SLC35F2: variants seen among roughly 807,000 people sequenced by gnomAD.
SLC35F2 encodes queuine/queuosine transporter SLC35F2.
A neutral mutation model predicts 38.1 loss-of-function variants in SLC35F2; 25 were observed. The ratio of observed to expected loss-of-function variants is 0.66; its 90% CI spans 0.48 to 0.92. SLC35F2 has a LOEUF of 0.92. Ranked by LOEUF, SLC35F2 falls within the 40% of genes least tolerant of loss-of-function variation. The pLI, the probability that SLC35F2 is intolerant of heterozygous loss-of-function variation, is 0.00. For missense variants in SLC35F2, 409 were observed against 452.9 expected, an observed-to-expected ratio of 0.90 and a Z score of 0.88; for synonymous variants, 173 against 181.7, an observed-to-expected ratio of 0.95 and a Z score of 0.38.
At chr11:107,811,579 T>A in intron 3 of SLC35F2, 88 bp downstream of exon 3, 1 of 1,283,316 alleles carries the variant, frequency 7.8e-7, no homozygotes. Flanking sequence ...AGTGAATAGA[T>A]TTTCAATAAA....
chr11:107,832,794 G>GA (rs1859866470), intron 1 of SLC35F2, among the ~76,000 whole-genome samples: 2 of 152,312 alleles, frequency 1.3e-5, no homozygotes, highest in African/African-American at 4.8e-5. Context: ...GTGACAGAGT[G>GA]AGACCCTGTC....
At chr11:107,795,160 A>G (rs1363486338) in intron 7 of SLC35F2, among the ~76,000 whole-genome samples, 2 of 152,208 alleles carry the variant, frequency 1.3e-5, no homozygotes, top group Non-Finnish European at 2.9e-5. Context: ...CAAAATATCA[A>G]TGTTATTTTT....
chr11:107,797,420 G>A (rs566390000), intron 7 of SLC35F2, among the ~76,000 whole-genome samples: 3 of 152,170 alleles, frequency 2.0e-5, no homozygotes, highest in African/African-American at 7.2e-5. Flanking sequence ...TGGCACAGTG[G>A]TAGGCACCTG....
chr11:107,811,957 AG>A (rs1859488799), intron 2 of SLC35F2, among the ~76,000 whole-genome samples, 163 bp from the exon 3 acceptor site: 1 of 151,618 alleles, frequency 6.6e-6, no homozygotes, highest in Non-Finnish European at 1.5e-5. Context: ...GTTGGAGTGC[AG>A]TGGCACAATC....
intron 3 of SLC35F2, chr11:107,809,734 G>A: frequency 2.0e-6 from 2 of 980,514 alleles, no homozygotes; most frequent in Non-Finnish European, 2.4e-6. Flanking sequence ...AGTAAGCAGA[G>A]TACTAAGACA....
At position 107,791,137 on chromosome 11, in the gene SLC35F2, T is replaced by C. The variant is rs570260095; in HGVS notation, c.*1478A>G. ...ATACTGATGACACATATTAACACTT[T>C]GTATTGAAGAAGTATCATAAAAATC... is the stretch of plus-strand genomic sequence containing the variant. On this transcript the variant is annotated 3_prime_UTR_variant, in exon 8 of 8. Coordinates refer to ENST00000525815, the MANE Select transcript of SLC35F2 (RefSeq NM_017515.5). 1 of 152,728 alleles carries C rather than the reference T, an allele frequency of 6.5e-6. No homozygotes were observed. Among genetic ancestry groups the C allele is most frequent in the African/African-American group, 2.4e-5 (1 of 41,540 alleles). The allele number at this position is 152,728 out of a possible 1,614,324, so 9.5% of individuals were successfully genotyped here.
chr11:107,829,327 G>A (rs1388347366), intron 1 of SLC35F2, among the ~76,000 whole-genome samples: 1 of 151,756 alleles, frequency 6.6e-6, no homozygotes, highest in African/African-American at 2.4e-5. Context: ...GCTGAAGCAG[G>A]AGAATCATTT....
In SLC35F2 at chr11:107,852,745, G is replaced by A. The variant is rs144995475; in HGVS notation, c.110+5913C>T. ...AAATTAGCCAGGCATGGTGGCATGC[G>A]CCTGTAATCCCAGCTACTACTAGGG... On this transcript the variant is annotated intron_variant, in intron 1 of 7. Transcript: ENST00000525815. 5.3e-3 allele frequency among the ~76,000 whole-genome samples: 798 copies of A among 151,690 alleles called. 7 individuals carry two copies. The highest frequency in any genetic ancestry group is 0.018 in the African/African-American group (751 of 41,344).
intron 3 of SLC35F2, chr11:107,809,902 G>A (rs1361957568): frequency 1.0e-6 from 1 of 985,286 alleles, no homozygotes; most frequent in Admixed American, 6.2e-5. Flanking sequence ...AGGGGAGAAG[G>A]AGCAGGCCAT....
At chr11:107,813,266 G>A (rs887139488) in intron 2 of SLC35F2, among the ~76,000 whole-genome samples, 5 of 152,080 alleles carry the variant, frequency 3.3e-5, no homozygotes, top group African/African-American at 1.2e-4. Flanking sequence ...TCAACATGGA[G>A]AAACCCCATC....
At chr11:107,815,314 C>T (rs758303233) in intron 2 of SLC35F2, among the ~76,000 whole-genome samples, 60 of 150,936 alleles carry the variant, frequency 4.0e-4, no homozygotes, top group Admixed American at 8.7e-4. Flanking sequence ...CTTTGGGAGG[C>T]TGAGGTGGGC....
intron 1 of SLC35F2, chr11:107,823,911 A>G (rs1211209571): frequency 2.4e-5 from 20 of 817,704 alleles, no homozygotes; most frequent in African/African-American, 5.9e-5. Context: ...CCTGGGCGAC[A>G]TAACAAGACA....
chr11:107,851,100 T>C (rs1157898738), intron 1 of SLC35F2, among the ~76,000 whole-genome samples: 2 of 151,814 alleles, frequency 1.3e-5, no homozygotes, highest in Non-Finnish European at 2.9e-5. Flanking sequence ...CCATCTCTAC[T>C]ATAAATACAA....
chr11:107,809,460 CAAAAA>C (rs775009107), intron 3 of SLC35F2, among the ~76,000 whole-genome samples: 3 of 106,224 alleles, frequency 2.8e-5, no homozygotes, highest in Non-Finnish European at 1.9e-5. Context: ...GACTCCACCT[CAAAAA>C]AAAAAAAAAA....
intron 1 of SLC35F2, among the ~76,000 whole-genome samples, chr11:107,846,287 C>T (rs1020418593): frequency 2.0e-5 from 3 of 151,650 alleles, no homozygotes; most frequent in Non-Finnish European, 4.4e-5. Context: ...TCCATATCAA[C>T]GCCCATGAAC....
At chr11:107,834,253 A>G (rs143250304) in intron 1 of SLC35F2, among the ~76,000 whole-genome samples, 28 of 152,330 alleles carry the variant, frequency 1.8e-4, no homozygotes, top group East Asian at 1.2e-3. Context: ...CTAGGTGATT[A>G]AAGAGACAAA....
At chr11:107,850,490 G>A (rs1405167142) in intron 1 of SLC35F2, among the ~76,000 whole-genome samples, 2 of 152,008 alleles carry the variant, frequency 1.3e-5, no homozygotes, top group African/African-American at 4.8e-5. Flanking sequence ...TATTGGGTGG[G>A]GCCAGGTATC....
At chr11:107,838,287 G>T (rs1859960678) in intron 1 of SLC35F2, among the ~76,000 whole-genome samples, 1 of 152,120 alleles carries the variant, frequency 6.6e-6, no homozygotes. Flanking sequence ...ATAAATGTGT[G>T]TGGGTGCCAT....
intron 1 of SLC35F2, among the ~76,000 whole-genome samples, chr11:107,829,196 A>G (rs1859798562): frequency 6.6e-6 from 1 of 151,834 alleles, no homozygotes; most frequent in African/African-American, 2.4e-5. Context: ...AGGTGGGCCA[A>G]TCACCTGAGG....
Sources: allele counts gnomAD v4.1 joint callset (sites outside exome capture counted in the v4.1 genomes callset), GRCh38; gene constraint gnomAD v4.1.1; transcripts MANE v1.5; gene names NCBI Gene and HGNC (gene_info 2026-07-23, HGNC 2026-07-21).